SSBP3: variants seen among roughly 807,000 people sequenced by gnomAD.
SSBP3 encodes single stranded DNA binding protein 3.
In SSBP3, 5 loss-of-function variants were observed where a neutral mutation model predicts 69.6. The ratio of observed to expected loss-of-function variants is 0.07; its 90% CI spans 0.04 to 0.15. The LOEUF (loss-of-function observed/expected upper bound fraction) is 0.15. Ranked by LOEUF, SSBP3 falls within the 10% of genes least tolerant of loss-of-function variation. The pLI is 1.00. For missense variants in SSBP3, 312 were observed against 534.0 expected (o/e 0.58, Z 4.10); for synonymous variants, 196 against 193.4 (o/e 1.01, Z -0.11).
intron 4 of SSBP3, among the ~76,000 whole-genome samples, chr1:54,346,004 AC>A (rs1646684083): frequency 1.3e-5 from 2 of 151,870 alleles, no homozygotes; most frequent in African/African-American, 4.8e-5. Context: ...AAAAAACAAA[AC>A]AAAAACAATT....
chr1:54,374,309 G>A (rs754404834), intron 4 of SSBP3, among the ~76,000 whole-genome samples: 14 of 152,314 alleles, frequency 9.2e-5, no homozygotes, highest in Admixed American at 2.0e-4. Context: ...GGTTCCTGCC[G>A]CTACTCACAA....
At chr1:54,410,080 C>T (rs1390399838), upstream of SSBP3, among the ~76,000 whole-genome samples, 1 of 152,184 alleles carries the variant, frequency 6.6e-6, no homozygotes, top group Non-Finnish European at 1.5e-5. Context: ...GAATATGACT[C>T]CTTAGGGTCA....
chr1:54,313,285 C>T (rs1389732916), intron 4 of SSBP3, among the ~76,000 whole-genome samples: 1 of 151,978 alleles, frequency 6.6e-6, no homozygotes, highest in East Asian at 1.9e-4. Context: ...GCAGCCTCTG[C>T]CTCGCCAGAC....
intron 9 of SSBP3, among the ~76,000 whole-genome samples, chr1:54,249,809 T>C (rs533323140): frequency 1.3e-5 from 2 of 149,588 alleles, no homozygotes; most frequent in African/African-American, 2.4e-5. Flanking sequence ...AACTGGACAC[T>C]GGACCCTGCC....
intron 9 of SSBP3, among the ~76,000 whole-genome samples, chr1:54,244,365 G>A (rs1422619497): frequency 1.3e-5 from 2 of 152,154 alleles, no homozygotes; most frequent in Admixed American, 6.5e-5. Flanking sequence ...GCCTCCCAAA[G>A]TGCTGGGATT....
At chr1:54,282,488 C>T (rs1236152819) in intron 4 of SSBP3, among the ~76,000 whole-genome samples, 2 of 152,250 alleles carry the variant, frequency 1.3e-5, no homozygotes, top group African/African-American at 4.8e-5. Flanking sequence ...CACTGCTGTT[C>T]TGGCATTTGC....
At chr1:54,407,155 G>A (rs1193746213), upstream of SSBP3, among the ~76,000 whole-genome samples, 1 of 152,146 alleles carries the variant, frequency 6.6e-6, no homozygotes, top group Admixed American at 6.5e-5. Context: ...GGGGAGCCGG[G>A]GGGGAGGGGG....
intron 4 of SSBP3, among the ~76,000 whole-genome samples, chr1:54,283,349 C>A (rs912560206): frequency 6.6e-6 from 1 of 151,134 alleles, no homozygotes; most frequent in East Asian, 1.9e-4. Flanking sequence ...ATGTGCAAAT[C>A]TCACTAATAT....
chr1:54,405,713 T>A (rs1202743415), intron 1 of SSBP3, among the ~76,000 whole-genome samples: 1 of 149,744 alleles, frequency 6.7e-6, no homozygotes, highest in Non-Finnish European at 1.5e-5. Context: ...AAGTACCCCC[T>A]CCGGCGGCTC....
At chr1:54,242,268 G>C in intron 10 of SSBP3, 56 bp from the exon 11 acceptor site, 1 of 1,600,844 alleles carries the variant, frequency 6.2e-7, no homozygotes, top group Non-Finnish European at 8.6e-7. Flanking sequence ...AACTCCAAGC[G>C]GTGGAGGCAG....
At chr1:54,243,400 G>A (rs1344622640) in intron 9 of SSBP3, 101 bp from the exon 10 acceptor site, 4 of 1,404,856 alleles carry the variant, frequency 2.8e-6, no homozygotes, top group African/African-American at 1.4e-5. Context: ...GGGTTAGTCT[G>A]TGAAAAGGAT....
intron 4 of SSBP3, among the ~76,000 whole-genome samples, chr1:54,342,510 C>G (rs1321707923): frequency 6.6e-6 from 1 of 152,156 alleles, no homozygotes; most frequent in Admixed American, 6.5e-5. Flanking sequence ...GGCATTTATG[C>G]CTTCCCTCCC....
At chr1:54,401,873 G>A (rs905448681) in exon 4 of SSBP3, 18 of 1,613,416 alleles carry the variant, frequency 1.1e-5, no homozygotes, top group African/African-American at 4.0e-5. Flanking sequence ...AATCATGAAA[G>A]GCTTTTGCTT....
chr1:54,382,032 A>C lies in SSBP3; in HGVS notation c.276+19829T>G, dbSNP rs369966049. Among the ~76,000 whole-genome samples the C allele has an allele frequency of 1.3e-4, 20 of 152,286 alleles. 1 individual carries two copies. In the East Asian group the frequency reaches 1.4e-3, roughly 10 times the overall value. On this transcript the variant is annotated intron_variant, in intron 4 of 17. Transcript: ENST00000610401. ...AACATGGTGAAACCCCATCGCTACT[A>C]AAAATACAAAAATTAGCTGAGCATG...
At chr1:54,369,220 G>C (rs1177675143) in intron 4 of SSBP3, among the ~76,000 whole-genome samples, 5 of 149,452 alleles carry the variant, frequency 3.3e-5, no homozygotes, top group Non-Finnish European at 7.4e-5. Flanking sequence ...TCTTGAGTCG[G>C]GGGGGGGGCC....
At chr1:54,356,529 G>A (rs546994247) in intron 4 of SSBP3, 11 of 152,310 alleles carry the variant, frequency 7.2e-5, no homozygotes, top group East Asian at 1.9e-4. Context: ...AGAACAGCGC[G>A]GGCCCTTCTG....
At chr1:54,334,413 A>G (rs1646474195) in intron 4 of SSBP3, among the ~76,000 whole-genome samples, 1 of 152,210 alleles carries the variant, frequency 6.6e-6, no homozygotes, top group South Asian at 2.1e-4. Context: ...CAGATGTTAT[A>G]AAGACTCTGC....
At chr1:54,403,987 C>G (rs192668030) in intron 3 of SSBP3, among the ~76,000 whole-genome samples, 5 of 139,952 alleles carry the variant, frequency 3.6e-5, no homozygotes, top group Admixed American at 7.8e-5. Flanking sequence ...AGTTAAGGTT[C>G]TGCGTAAAAC....
intron 14 of SSBP3, chr1:54,238,364 C>T (rs1160121034): frequency 2.1e-6 from 1 of 468,972 alleles, no homozygotes; most frequent in Non-Finnish European, 4.4e-6. Context: ...CCTTTTCAGA[C>T]CCTGAGCTCC....
Sources: allele counts gnomAD v4.1 joint callset (sites outside exome capture counted in the v4.1 genomes callset), GRCh38; gene constraint gnomAD v4.1.1; transcripts MANE v1.5; gene names NCBI Gene and HGNC (gene_info 2026-07-23, HGNC 2026-07-21).